The following UNC13C variants were observed in gnomAD, a reference collection of about 807,000 sequenced individuals.
UNC13C encodes the protein unc-13 homolog C.
Under a neutral mutation model 245.4 loss-of-function variants are expected in UNC13C, and 174 were observed. The observed-to-expected ratio is 0.71, with a 90% CI of 0.63 to 0.80. UNC13C has a LOEUF of 0.80. UNC13C is among the 30% of genes least tolerant of loss of function. UNC13C has a pLI of 0.00. For synonymous variants in UNC13C, 992 were observed against 895.1 expected, an observed-to-expected ratio of 1.11 and a Z score of -1.93; for missense variants, 2,829 against 2,602.9, an observed-to-expected ratio of 1.09 and a Z score of -1.89.
At chr15:54,056,868 T>C (rs1480323363) in intron 2 of UNC13C, among the ~76,000 whole-genome samples, 1 of 152,124 alleles carries the variant, frequency 6.6e-6, no homozygotes, top group African/African-American at 2.4e-5. Flanking sequence ...CTAAGCTTCA[T>C]AAGTGAAGGA....
rs781043798 is a variant in UNC13C at position 54,013,681 on chromosome 15, C to G, written c.778C>G (p.Leu260Val). ...GGGAATAAGTCAGATTGAAACAGAACTTTCTGAACTACGAGGGCACGTCAA... is the reference window on the plus strand; with the variant it reads ...GGGAATAAGTCAGATTGAAACAGAAGTTTCTGAACTACGAGGGCACGTCAA... Reference protein sequence around the residue: ...LQGISQIETELSELRGHVNAL... With the variant: ...LQGISQIETEVSELRGHVNAL... The change falls in exon 2 of 33, where the codon CTT (leucine) becomes GTT (valine). Residue 260 changes from leucine (L) to valine (V), a missense_variant. Leu to Val is a conservative substitution (Grantham distance 32). Coordinates refer to ENST00000260323, the MANE Select transcript of UNC13C (RefSeq NM_001080534.3). 1.2e-5 allele frequency: 20 copies of G among 1,613,772 alleles called. No individual in the cohort carries two copies. Among genetic ancestry groups the G allele is most frequent in the South Asian group, 2.2e-5 (2 of 91,066 alleles).
intron 30 of UNC13C, among the ~76,000 whole-genome samples, chr15:54,583,321 A>C (rs929545686): frequency 1.3e-5 from 2 of 152,220 alleles, no homozygotes; most frequent in African/African-American, 4.8e-5. Context: ...AAATGAGAGC[A>C]TGTGTTTTAC....
At chr15:54,404,083 A>G (rs1445582638) in intron 18 of UNC13C, among the ~76,000 whole-genome samples, 1 of 152,208 alleles carries the variant, frequency 6.6e-6, no homozygotes, top group Non-Finnish European at 1.5e-5. Flanking sequence ...CATACTAACA[A>G]AGGCTTAATA....
chr15:54,400,080 T>C (rs1258197364), intron 18 of UNC13C, among the ~76,000 whole-genome samples: 3 of 152,014 alleles, frequency 2.0e-5, no homozygotes, highest in Non-Finnish European at 2.9e-5. Flanking sequence ...CTTTTTCTTT[T>C]GGCTGAGTTA....
intron 2 of UNC13C, among the ~76,000 whole-genome samples, chr15:54,038,124 A>ATATTTTTTTTTTTTTTTTTTTTTTT: frequency 2.2e-5 from 1 of 45,034 alleles, no homozygotes; most frequent in Non-Finnish European, 3.5e-5. Flanking sequence ...ATATATATAT[A>ATATTTTTTTTTTTTTTTTTTTTTTT]TTTTTTTTTT....
Position 53,990,340 on chromosome 15 carries a change from C to T in UNC13C, c.-257+11413C>T, listed in dbSNP as rs1413978541. On this transcript the variant is annotated intron_variant, in intron 1 of 32. Coordinates refer to ENST00000260323, the MANE Select transcript of UNC13C (RefSeq NM_001080534.3). Reference sequence around the variant, plus strand: ...GAAAAATGAATACAGAATTATAAAACTTTCAAAAAACCCAGCAAAGTTTAG... The same window carrying T: ...GAAAAATGAATACAGAATTATAAAATTTTCAAAAAACCCAGCAAAGTTTAG... Among the ~76,000 whole-genome samples, 7 of 151,930 alleles carry T rather than the reference C, an allele frequency of 4.6e-5. 1 individual carries two copies. Among genetic ancestry groups the T allele is most frequent in the Admixed American group, 4.6e-4 (7 of 15,240 alleles).
intron 4 of UNC13C, among the ~76,000 whole-genome samples, chr15:54,180,022 T>C (rs1024168357): frequency 6.6e-6 from 1 of 152,050 alleles, no homozygotes; most frequent in Non-Finnish European, 1.5e-5. Flanking sequence ...TTATTGACTT[T>C]ATTTTACTTT....
At chr15:54,231,638 T>C (rs938474566) in intron 4 of UNC13C, among the ~76,000 whole-genome samples, 1 of 152,076 alleles carries the variant, frequency 6.6e-6, no homozygotes, top group South Asian at 2.1e-4. Context: ...AATATTAGCA[T>C]TATATCTGTC....
At chr15:53,893,328 G>T in the UNC13C span, among the ~76,000 whole-genome samples, 1 of 152,164 alleles carries the variant, frequency 6.6e-6, no homozygotes, top group African/African-American at 2.4e-5. Context: ...GGATACACGG[G>T]GGTCAGGGAC....
chr15:54,119,258 G>T (rs1023507972), intron 2 of UNC13C, among the ~76,000 whole-genome samples: 1 of 151,986 alleles, frequency 6.6e-6, no homozygotes, highest in Non-Finnish European at 1.5e-5. Flanking sequence ...TGAGCAAGTG[G>T]TTAGGCAACA....
chr15:53,936,841 A>T, the UNC13C span, among the ~76,000 whole-genome samples: 9 of 152,162 alleles, frequency 5.9e-5, no homozygotes, highest in African/African-American at 2.2e-4. Context: ...ATCAACAACA[A>T]CATCAACAAA....
intron 10 of UNC13C, among the ~76,000 whole-genome samples, chr15:54,280,135 A>T (rs1447230245): frequency 6.6e-6 from 1 of 152,140 alleles, no homozygotes; most frequent in Non-Finnish European, 1.5e-5. Context: ...GTTTATAAAC[A>T]TATACATATA....
chr15:53,910,624 C>G, the UNC13C span: 2 of 145,482 alleles, frequency 1.4e-5, no homozygotes, highest in Non-Finnish European at 3.1e-5. Flanking sequence ...CTTGATCGTG[C>G]CCAGAGAAAG....
chr15:54,309,954 T>C (rs2037824846), intron 13 of UNC13C, among the ~76,000 whole-genome samples: 1 of 151,874 alleles, frequency 6.6e-6, no homozygotes, highest in South Asian at 2.1e-4. Context: ...TAAAATTCCA[T>C]TTGTTGAATT....
At chr15:53,969,749 C>A in the UNC13C span, among the ~76,000 whole-genome samples, 1 of 150,730 alleles carries the variant, frequency 6.6e-6, no homozygotes, top group African/African-American at 2.4e-5. Context: ...ATAAAATTTA[C>A]CATCTTAAAC....
rs188424143 is a variant in UNC13C at position 54,311,948 on chromosome 15, T to A, written c.4269-9991T>A. On this transcript the variant is annotated intron_variant, in intron 13 of 32. Coordinates refer to ENST00000260323, the MANE Select transcript of UNC13C (RefSeq NM_001080534.3). The stretch of plus-strand genomic sequence containing the variant: ...ACATGTTAAATTATCTTATTAGTGC[T>A]TAAGGTTACAAAGAGACTTTTAAAA... Among the ~76,000 whole-genome samples the A allele has an allele frequency of 3.1e-4, 47 of 151,964 alleles. 1 individual carries two copies. Among genetic ancestry groups the A allele is most frequent in the African/African-American group, 1.1e-3 (46 of 41,516 alleles).
chr15:54,439,813 A>C (rs1890419450), intron 19 of UNC13C, among the ~76,000 whole-genome samples: 1 of 151,968 alleles, frequency 6.6e-6, no homozygotes, highest in African/African-American at 2.4e-5. Flanking sequence ...TCTAGCTATT[A>C]ATATTTTGAC....
At chr15:54,240,185 A>C (rs980643868) in intron 7 of UNC13C, among the ~76,000 whole-genome samples, 24 of 152,146 alleles carry the variant, frequency 1.6e-4, no homozygotes, top group Admixed American at 5.9e-4. Context: ...GTTGGTGTTG[A>C]ATGGATGAAC....
At chr15:53,973,734 A>G (rs1467205688), upstream of UNC13C, among the ~76,000 whole-genome samples, 1 of 152,190 alleles carries the variant, frequency 6.6e-6, no homozygotes. Context: ...ATTTTACTGA[A>G]GGAAATAAAA....
Sources: allele counts gnomAD v4.1 joint callset (sites outside exome capture counted in the v4.1 genomes callset), GRCh38; gene constraint gnomAD v4.1.1; transcripts MANE v1.5; gene names NCBI Gene and HGNC (gene_info 2026-07-23, HGNC 2026-07-21).